The following TNRC18 variants were observed in gnomAD, a reference collection of about 807,000 sequenced individuals.
The protein encoded by TNRC18 is trinucleotide repeat containing 18.
A neutral mutation model predicts 226.7 loss-of-function variants in TNRC18; 69 were observed. The observed-to-expected ratio is 0.30, with a 90% CI of 0.25 to 0.37. The LOEUF is 0.37. TNRC18 is among the 10% of genes least tolerant of loss of function. The probability of loss-of-function intolerance (pLI) is 1.00; values close to 1 mark genes in which losing one functional copy is unlikely to be tolerated. For synonymous variants in TNRC18, 2,449 were observed against 1,927.6 expected, an observed-to-expected ratio of 1.27 and a Z score of -7.09; for missense variants, 4,754 against 4,256.6, an observed-to-expected ratio of 1.12 and a Z score of -3.25.
chr7:5,413,408 C>T (rs1781965061), intron 2 of TNRC18, among the ~76,000 whole-genome samples: 1 of 152,332 alleles, frequency 6.6e-6, no homozygotes, highest in Admixed American at 6.5e-5. Context: ...ACCTGCCCAA[C>T]CTCCAAAGGG....
intron 2 of TNRC18, among the ~76,000 whole-genome samples, chr7:5,409,433 G>A (rs918446307): frequency 6.6e-6 from 1 of 151,612 alleles, no homozygotes; most frequent in Non-Finnish European, 1.5e-5. Flanking sequence ...AATTAAATTC[G>A]ACAAAAACTA....
At chr7:5,356,823 TGAGGGGCG>T in intron 16 of TNRC18, 85 bp downstream of exon 16, 1 of 1,261,202 alleles carries the variant, frequency 7.9e-7, no homozygotes, top group Non-Finnish European at 1.0e-6. Context: ...AGAGAGAGAG[TGAGGGGCG>T]GGGGGGGAAG....
rs1291446440 is a variant in TNRC18 at position 5,356,955 on chromosome 7, G to C, written c.5155C>G (p.His1719Asp). Residue 1719 changes from histidine (H) to aspartate (D), a missense_variant, in exon 16 of 30, where the codon CAT becomes GAT. Transcript: ENST00000430969. ...CTCACTTCCGAGGCAAACGGGGAAT[G>C]GGCCGACTTGGGCTGGCCTCTGGCC... ...FKARGQPKSA[H>D]SPFASEVSSY... 1.3e-6 allele frequency: 2 copies of C among 1,551,384 alleles called. No individual in the cohort carries two copies. The highest frequency in any genetic ancestry group is 1.7e-6 in the Non-Finnish European group (2 of 1,146,758).
rs145509897 is a variant in TNRC18, at chr7:5,400,135, G to A, written c.188-5540C>T. ...GGGTCTAGAATTCCTGGGCTCAAGC[G>A]ATCCTCCCACCTCGGCCTCCCAAAG... On this transcript the variant is annotated intron_variant, in intron 2 of 29. Transcript: ENST00000430969. Among the ~76,000 whole-genome samples the A allele has an allele frequency of 4.2e-3, 632 of 152,094 alleles. 10 individuals are homozygous for A. The highest frequency in any genetic ancestry group is 0.014 in the African/African-American group (590 of 41,480).
At chr7:5,329,478 G>A (rs183898711) in intron 19 of TNRC18, among the ~76,000 whole-genome samples, 11 of 151,916 alleles carry the variant, frequency 7.2e-5, no homozygotes, top group Non-Finnish European at 1.3e-4. Flanking sequence ...GAGGTCAGGA[G>A]TTCAAGATCA....
intron 21 of TNRC18, among the ~76,000 whole-genome samples, chr7:5,321,729 T>G (rs1406487676): frequency 6.6e-6 from 1 of 151,842 alleles, no homozygotes; most frequent in African/African-American, 2.4e-5. Context: ...TGGAGTGCAA[T>G]GGCATGATCT....
In TNRC18 at chr7:5,320,470, G is replaced by T; in HGVS notation, c.6637-44C>A. ...AGTGCAAGGTGTGGACACAGTTATG[G>T]CCATGGCCTTGGACACCCAGCCCAC... On this transcript the variant is annotated intron_variant, in intron 23 of 29. Coordinates refer to ENST00000430969, the MANE Select transcript of TNRC18 (RefSeq NM_001080495.3). The T allele has an allele frequency of 1.9e-6, 3 of 1,566,294 alleles. No homozygotes were observed. The East Asian group carries it at 7.1e-5, about 37-fold the overall frequency.
intron 3 of TNRC18, among the ~76,000 whole-genome samples, chr7:5,393,817 G>T (rs570729381): frequency 6.6e-6 from 1 of 152,188 alleles, no homozygotes; most frequent in South Asian, 2.1e-4. Flanking sequence ...TACATTGAGG[G>T]GCATGGCTGC....
intron 2 of TNRC18, among the ~76,000 whole-genome samples, chr7:5,419,621 C>G (rs1277926970): frequency 6.6e-6 from 1 of 152,054 alleles, no homozygotes; most frequent in Non-Finnish European, 1.5e-5. Context: ...ACCCTTGCCC[C>G]GGTCACAGAC....
intron 3 of TNRC18, among the ~76,000 whole-genome samples, chr7:5,391,283 C>T (rs905298994): frequency 6.6e-6 from 1 of 152,042 alleles, no homozygotes; most frequent in Non-Finnish European, 1.5e-5. Flanking sequence ...TGCCCAGCAC[C>T]AGCATCAGGA....
At chr7:5,396,542 T>C (rs1472030905) in intron 2 of TNRC18, among the ~76,000 whole-genome samples, 1 of 151,936 alleles carries the variant, frequency 6.6e-6, no homozygotes, top group African/African-American at 2.4e-5. Context: ...ATATAAATAA[T>C]AACAATAACC....
At chr7:5,373,890 G>A (rs943789529) in intron 10 of TNRC18, among the ~76,000 whole-genome samples, 165 bp downstream of exon 10, 1 of 152,066 alleles carries the variant, frequency 6.6e-6, no homozygotes, top group Non-Finnish European at 1.5e-5. Context: ...ATTTGACTGT[G>A]AGCTCCTGTG....
At position 5,361,701 on chromosome 7, in the gene TNRC18, A is replaced by G. The variant is rs1387741261; in HGVS notation, c.4554T>C (p.His1518=). The G allele has an allele frequency of 3.2e-6, 5 of 1,568,194 alleles. No individual in the cohort carries two copies. Among genetic ancestry groups the G allele is most frequent in the Non-Finnish European group, 4.3e-6 (5 of 1,157,330 alleles). ...CAGGGCCTCTGCGTGCCAAGCTTCT[A>G]TGGGGTTCCTCGCGCCTGTCCCTTA... ...RDSEDRREEP[H]RSLARRGPGR... is the part of the protein sequence containing the mutation. The change falls in exon 14 of 30, where the codon CAT becomes CAC. Residue 1518 remains histidine (H), a synonymous_variant. Coordinates refer to ENST00000430969, the MANE Select transcript of TNRC18 (RefSeq NM_001080495.3).
chr7:5,347,753 G>A lies in TNRC18; in HGVS notation c.5471-1943C>T, dbSNP rs540041482. ...ATGTGGATCATGATGTCAGGAGTTCGAGACCAGCCTGGCCAACCTGGTGAA... is the reference window on the plus strand; with the variant it reads ...ATGTGGATCATGATGTCAGGAGTTCAAGACCAGCCTGGCCAACCTGGTGAA... On this transcript the variant is annotated intron_variant, in intron 17 of 29. Coordinates refer to ENST00000430969, the MANE Select transcript of TNRC18 (RefSeq NM_001080495.3). Among the ~76,000 whole-genome samples the A allele has an allele frequency of 5.9e-5, 9 of 151,902 alleles. No homozygotes were observed. In the East Asian group the frequency reaches 7.9e-4, roughly 13 times the overall value.
intron 24 of TNRC18, among the ~76,000 whole-genome samples, chr7:5,317,791 G>A (rs1788000876): frequency 6.7e-6 from 1 of 150,080 alleles, no homozygotes; most frequent in Non-Finnish European, 1.5e-5. Context: ...CTGCAGCCTC[G>A]ACCACCCAGG....
chr7:5,322,720 A>T (rs2128115935), intron 21 of TNRC18, among the ~76,000 whole-genome samples: 1 of 152,262 alleles, frequency 6.6e-6, no homozygotes, highest in East Asian at 1.9e-4. Context: ...CCCTGCCAAG[A>T]CACTTGGGCC....
intron 18 of TNRC18, among the ~76,000 whole-genome samples, chr7:5,341,780 A>G (rs1790713764): frequency 6.6e-6 from 1 of 152,066 alleles, no homozygotes; most frequent in South Asian, 2.1e-4. Flanking sequence ...AAAAAAAAAA[A>G]AAAGGGAATA....
chr7:5,409,474 G>T (rs1040999403), intron 2 of TNRC18, among the ~76,000 whole-genome samples: 1 of 147,592 alleles, frequency 6.8e-6, no homozygotes, highest in South Asian at 2.2e-4. Context: ...CCTGTAGTCC[G>T]AGAAGGCTGA....
At chr7:5,411,850 C>T (rs1345887575) in intron 2 of TNRC18, among the ~76,000 whole-genome samples, 1 of 151,966 alleles carries the variant, frequency 6.6e-6, no homozygotes, top group Admixed American at 6.6e-5. Context: ...AACAAAGCAG[C>T]TCATCCAATA....
Sources: allele counts gnomAD v4.1 joint callset (sites outside exome capture counted in the v4.1 genomes callset), GRCh38; gene constraint gnomAD v4.1.1; transcripts MANE v1.5; gene names NCBI Gene and HGNC (gene_info 2026-07-23, HGNC 2026-07-21).